The following FRMD6 variants were observed in gnomAD, a reference collection of about 807,000 sequenced individuals.
FRMD6 encodes the protein FERM domain-containing protein 6.
In FRMD6, 37 loss-of-function variants were observed where a neutral mutation model predicts 73.2. The ratio of observed to expected loss-of-function variants is 0.51; its 90% CI spans 0.39 to 0.66. The LOEUF (loss-of-function observed/expected upper bound fraction) is 0.66. Ranked by LOEUF, FRMD6 falls within the 30% of genes least tolerant of loss-of-function variation. The pLI is 0.00. For missense variants in FRMD6, 714 were observed against 780.5 expected (o/e 0.91, Z 1.02); for synonymous variants, 273 against 282.2 (o/e 0.97, Z 0.33).
At chr14:51,595,673 T>G (rs1889674923) in intron 2 of FRMD6, among the ~76,000 whole-genome samples, 1 of 152,186 alleles carries the variant, frequency 6.6e-6, no homozygotes, top group African/African-American at 2.4e-5. Flanking sequence ...TTAATGAGGA[T>G]GAATTGAAGA....
chr14:51,502,646 T>G (rs967925670), intron 1 of FRMD6, among the ~76,000 whole-genome samples: 3 of 152,232 alleles, frequency 2.0e-5, no homozygotes, highest in African/African-American at 7.2e-5. Context: ...GACTCCAGCT[T>G]TCTTCTTCTT....
chr14:51,654,769 C>G (rs979532849), intron 1 of FRMD6, among the ~76,000 whole-genome samples: 2 of 152,056 alleles, frequency 1.3e-5, no homozygotes, highest in African/African-American at 4.8e-5. Flanking sequence ...CAAATTATCC[C>G]TTAGGTAGTT....
At chr14:51,652,079 CTG>C (rs1474077017) in intron 1 of FRMD6, 83 bp downstream of exon 1, 1 of 151,844 alleles carries the variant, frequency 6.6e-6, no homozygotes, top group Admixed American at 6.6e-5. Context: ...GCTGTGCCCC[CTG>C]CCGGCGGGGC....
At chr14:51,553,828 G>A (rs1179889777) in intron 1 of FRMD6, among the ~76,000 whole-genome samples, 1 of 152,200 alleles carries the variant, frequency 6.6e-6, no homozygotes, top group African/African-American at 2.4e-5. Flanking sequence ...GGGGCAGGCT[G>A]TGAATTTAGT....
intron 1 of FRMD6, among the ~76,000 whole-genome samples, chr14:51,662,423 A>G (rs1893280230): frequency 6.6e-6 from 1 of 152,198 alleles, no homozygotes; most frequent in African/African-American, 2.4e-5. Context: ...AGTGACCAAA[A>G]CAGCATGATA....
chr14:51,526,606 C>T (rs1885268845), intron 1 of FRMD6, among the ~76,000 whole-genome samples: 1 of 152,176 alleles, frequency 6.6e-6, no homozygotes, highest in Non-Finnish European at 1.5e-5. Flanking sequence ...CCAAATAAGC[C>T]TCTTACACTA....
intron 1 of FRMD6, among the ~76,000 whole-genome samples, chr14:51,505,645 G>T (rs1883917934): frequency 1.3e-5 from 2 of 152,128 alleles, no homozygotes; most frequent in African/African-American, 4.8e-5. Flanking sequence ...CCTTTCAATA[G>T]ATCCATCTAA....
At chr14:51,468,055 T>G in the FRMD6 span, among the ~76,000 whole-genome samples, 5 of 152,124 alleles carry the variant, frequency 3.3e-5, no homozygotes, top group South Asian at 2.1e-4. Context: ...TCGGGAGGCC[T>G]AGGCTGGCAG....
At chr14:51,684,339 T>G (rs2140322922) in intron 1 of FRMD6, among the ~76,000 whole-genome samples, 1 of 152,300 alleles carries the variant, frequency 6.6e-6, no homozygotes, top group Non-Finnish European at 1.5e-5. Context: ...GCAGTAAATA[T>G]TTAAGTTTTA....
Position 51,721,823 on chromosome 14 carries a change from G to A in FRMD6, c.1361-126G>A, listed in dbSNP as rs184021783. Reference sequence around the variant, plus strand: ...AAAATGGTCCCTGGAGTTTCCTATTGGAGTCTCATTAGCAAATTTATTTTC... The same window carrying A: ...AAAATGGTCCCTGGAGTTTCCTATTAGAGTCTCATTAGCAAATTTATTTTC... On this transcript the variant is annotated intron_variant, in intron 11 of 13. Coordinates refer to ENST00000344768, the MANE Select transcript of FRMD6 (RefSeq NM_001267046.2). The A allele has an allele frequency of 1.3e-4, 131 of 1,018,770 alleles. 1 individual carries two copies. The African/African-American group carries it at 1.8e-3, about 14-fold the overall frequency. 63.1% of individuals were successfully genotyped at this position (1,018,770 alleles called of 1,614,324 possible).
chr14:51,456,392 A>G, the FRMD6 span, among the ~76,000 whole-genome samples: 4 of 152,166 alleles, frequency 2.6e-5, no homozygotes, highest in Non-Finnish European at 5.9e-5. Context: ...ATGAGTGAGA[A>G]CATATGGTGT....
Position 51,495,751 on chromosome 14 carries a change from G to A in FRMD6, c.-210+6331G>A, listed in dbSNP as rs537318585. ...AAATGCCATGTTCCGTGGCCTAAAG[G>A]AATTGGAGAGGTAGAGGAAATGCAT... On this transcript the variant is annotated intron_variant, in intron 1 of 14. Coordinates refer to the FRMD6 transcript ENST00000356218. Among the ~76,000 whole-genome samples the A allele has an allele frequency of 6.8e-4, 103 of 152,332 alleles. 1 individual carries two copies. The South Asian group carries it at 0.019, about 29-fold the overall frequency.
At chr14:51,702,375 C>A in intron 4 of FRMD6, 137 bp from the exon 5 acceptor site, 1 of 689,220 alleles carries the variant, frequency 1.5e-6, no homozygotes, top group South Asian at 1.7e-5. Flanking sequence ...TACTACAAGC[C>A]CCTACTCATT....
rs778756046 is a variant in FRMD6, at chr14:51,701,073, A to C, written c.208A>C (p.Met70Leu). 15 of 1,562,564 alleles carry C rather than the reference A, an allele frequency of 9.6e-6. No homozygotes were observed. The highest frequency in any genetic ancestry group is 1.3e-5 in the Non-Finnish European group (15 of 1,146,634). Residue 70 changes from methionine (M) to leucine (L), a missense_variant, in exon 4 of 14, where the codon ATG (methionine) becomes CTG (leucine). Coordinates refer to ENST00000344768, the MANE Select transcript of FRMD6 (RefSeq NM_001267046.2). ...ATGTACAGATAATGAACATGTGTATATGGAGTTGTCACAAAAGCTTTACAA... is the reference window on the plus strand; with the variant it reads ...ATGTACAGATAATGAACATGTGTATCTGGAGTTGTCACAAAAGCTTTACAA... ...SVIQNNEHVY[M>L]ELSQKLYKYC...
At chr14:51,507,104 A>G (rs1426548743) in intron 1 of FRMD6, among the ~76,000 whole-genome samples, 1 of 122,514 alleles carries the variant, frequency 8.2e-6, no homozygotes, top group East Asian at 2.7e-4. Context: ...ACACACACAC[A>G]CACACACACA....
At chr14:51,610,704 A>G (rs1890458201) in intron 2 of FRMD6, among the ~76,000 whole-genome samples, 1 of 152,216 alleles carries the variant, frequency 6.6e-6, no homozygotes, top group Non-Finnish European at 1.5e-5. Flanking sequence ...AATTTTGTGT[A>G]GAAAAGGGAA....
intron 3 of FRMD6, among the ~76,000 whole-genome samples, chr14:51,699,214 A>G (rs1896135774): frequency 6.6e-6 from 1 of 152,084 alleles, no homozygotes. Context: ...CAGGGAACAC[A>G]TCAGGACCTT....
chr14:51,681,511 G>C (rs1009124593), intron 1 of FRMD6, among the ~76,000 whole-genome samples: 1 of 152,154 alleles, frequency 6.6e-6, no homozygotes, highest in African/African-American at 2.4e-5. Flanking sequence ...AAGAAGTACA[G>C]AGACTTGCCC....
chr14:51,714,718 A>T (rs1224565973), intron 9 of FRMD6: 1 of 152,182 alleles, frequency 6.6e-6, no homozygotes, highest in Admixed American at 6.5e-5. Context: ...CCCCAAATAG[A>T]TATCCTGTAT....
Sources: gnomAD v4.1 joint callset for allele counts (sites outside exome capture counted in the v4.1 genomes callset) on GRCh38, gnomAD v4.1.1 for gene constraint, MANE v1.5 for transcripts, NCBI Gene and HGNC (gene_info 2026-07-23, HGNC 2026-07-21) for gene names.